Variants in KLHL1 observed in about 807,000 individuals in gnomAD.
The protein encoded by KLHL1 is kelch like family member 1.
Under a neutral mutation model 77.7 loss-of-function variants are expected in KLHL1, and 47 were observed. The ratio of observed to expected loss-of-function variants is 0.60; its 90% CI spans 0.48 to 0.77. KLHL1 has a LOEUF of 0.77. Among genes scored for constraint, KLHL1 ranks in the 30% least tolerant of loss-of-function variants. The pLI, the probability that KLHL1 is intolerant of heterozygous loss-of-function variation, is 0.00. For missense variants in KLHL1, 925 were observed against 910.8 expected (o/e 1.02, Z -0.20); for synonymous variants, 360 against 325.2 (o/e 1.11, Z -1.15).
rs527634113 is a variant in KLHL1 at position 69,776,134 on chromosome 13, C to T, written c.1639+20604G>A. Reference sequence around the variant, plus strand: ...TCGCACCACTGCACTCCAGCCTGGGCGACAGAGTGAGACTCCGTCTCGGAA... The same window carrying T: ...TCGCACCACTGCACTCCAGCCTGGGTGACAGAGTGAGACTCCGTCTCGGAA... On this transcript the variant is annotated intron_variant, in intron 7 of 10. Coordinates refer to ENST00000377844, the MANE Select transcript of KLHL1 (RefSeq NM_020866.3). Among the ~76,000 whole-genome samples, 19 of 150,930 alleles carry T rather than the reference C, an allele frequency of 1.3e-4. No homozygotes were observed. In the East Asian group the frequency reaches 1.6e-3, roughly 12 times the overall value.
At chr13:69,928,919 C>A (rs1882904024) in intron 4 of KLHL1, among the ~76,000 whole-genome samples, 1 of 151,976 alleles carries the variant, frequency 6.6e-6, no homozygotes, top group Non-Finnish European at 1.5e-5. Flanking sequence ...TAAGTCATAT[C>A]TCCACGATGT....
chr13:70,097,109 A>G (rs1252139059), intron 1 of KLHL1, among the ~76,000 whole-genome samples: 3 of 152,044 alleles, frequency 2.0e-5, no homozygotes, highest in Non-Finnish European at 4.4e-5. Flanking sequence ...GGTAATTAGC[A>G]TACATTATGG....
chr13:70,052,942 A>G (rs563569125), intron 1 of KLHL1, among the ~76,000 whole-genome samples: 1 of 152,142 alleles, frequency 6.6e-6, no homozygotes, highest in East Asian at 1.9e-4. Context: ...AATTTCCATG[A>G]TATGGACTCA....
Position 70,107,628 on chromosome 13 carries a change from G to A in KLHL1, c.72C>T (p.His24=). 6.3e-7 allele frequency: 1 copy of A among 1,575,070 alleles called. No individual in the cohort carries two copies. The highest frequency in any genetic ancestry group is 8.6e-7 in the Non-Finnish European group (1 of 1,163,288). Residue 24 remains histidine (H), a synonymous_variant, in exon 1 of 11, where the codon CAC becomes CAT. Transcript: ENST00000377844. ...CCGGGCCGCCGGTGGAAGGAGACGG[G>A]TGGCTGAAGAGTTTCCAGCGGAGTC... ...ILRLRWKLFS[H]PSPSTGGPAG...
intron 4 of KLHL1, among the ~76,000 whole-genome samples, chr13:69,890,903 A>T (rs1881404442): frequency 1.3e-5 from 2 of 152,068 alleles, no homozygotes; most frequent in Non-Finnish European, 2.9e-5. Flanking sequence ...TCTTATATAT[A>T]CAAACATATA....
chr13:69,959,006 G>A (rs970632618), intron 3 of KLHL1, among the ~76,000 whole-genome samples: 8 of 151,942 alleles, frequency 5.3e-5, no homozygotes, highest in African/African-American at 1.9e-4. Flanking sequence ...TGTCATGCCT[G>A]CAATTTTTCC....
At chr13:69,984,166 T>C (rs1884800921) in intron 1 of KLHL1, among the ~76,000 whole-genome samples, 1 of 152,038 alleles carries the variant, frequency 6.6e-6, no homozygotes, top group Admixed American at 6.6e-5. Flanking sequence ...GGGAATGGTA[T>C]AGGAGTTAAA....
intron 1 of KLHL1, among the ~76,000 whole-genome samples, chr13:70,093,805 T>G (rs1214421496): frequency 6.6e-6 from 1 of 152,178 alleles, no homozygotes; most frequent in African/African-American, 2.4e-5. Context: ...AAATGGAGTA[T>G]GAACCTTAGT....
At chr13:69,998,667 G>C (rs1354461620) in intron 1 of KLHL1, among the ~76,000 whole-genome samples, 3 of 151,916 alleles carry the variant, frequency 2.0e-5, no homozygotes, top group Admixed American at 6.6e-5. Context: ...AATAGTAATG[G>C]ATGACTACAG....
At chr13:69,855,908 TTA>T (rs1381147014) in intron 5 of KLHL1, among the ~76,000 whole-genome samples, 48 of 134,986 alleles carry the variant, frequency 3.6e-4, no homozygotes, top group East Asian at 6.5e-4. Flanking sequence ...TTTATATATA[TTA>T]TATGTTATAA....
At chr13:70,046,412 C>T (rs550629548) in intron 1 of KLHL1, among the ~76,000 whole-genome samples, 1 of 152,280 alleles carries the variant, frequency 6.6e-6, no homozygotes, top group African/African-American at 2.4e-5. Context: ...CCCACAGGTG[C>T]AGAGTGACAG....
intron 1 of KLHL1, among the ~76,000 whole-genome samples, chr13:70,035,765 G>A (rs1886223086): frequency 6.6e-6 from 1 of 151,872 alleles, no homozygotes; most frequent in African/African-American, 2.4e-5. Context: ...TTCATTTTGA[G>A]AGAATCAAAT....
intron 1 of KLHL1, among the ~76,000 whole-genome samples, chr13:70,104,107 G>T (rs973473024): frequency 1.3e-5 from 2 of 152,062 alleles, no homozygotes; most frequent in African/African-American, 4.8e-5. Flanking sequence ...TACTACATAT[G>T]GAATCTTGGG....
chr13:69,928,860 C>T (rs1285276223), intron 4 of KLHL1, among the ~76,000 whole-genome samples: 1 of 151,934 alleles, frequency 6.6e-6, no homozygotes, highest in Non-Finnish European at 1.5e-5. Flanking sequence ...TCTGAAAATA[C>T]TAAAAGGCAT....
At chr13:70,047,014 TG>T (rs1469784010) in intron 1 of KLHL1, among the ~76,000 whole-genome samples, 1 of 152,122 alleles carries the variant, frequency 6.6e-6, no homozygotes, top group African/African-American at 2.4e-5. Context: ...TGTTGAATAG[TG>T]TGCTCAATAC....
At chr13:69,807,934 C>T (rs1877685559) in intron 6 of KLHL1, among the ~76,000 whole-genome samples, 1 of 152,116 alleles carries the variant, frequency 6.6e-6, no homozygotes, top group Admixed American at 6.6e-5. Flanking sequence ...GACAGTGCTC[C>T]TTAGCTCTGA....
chr13:69,982,437 AAATAAT>A (rs34183465), intron 1 of KLHL1, among the ~76,000 whole-genome samples: 22,069 of 135,536 alleles, frequency 0.16, 1,968 homozygotes, highest in Middle Eastern at 0.2. Context: ...CTCCATCTCC[AAATAAT>A]AATAATAATA....
chr13:69,951,396 C>T lies in KLHL1; in HGVS notation c.817+9912G>A, dbSNP rs551735465. 2.5e-4 allele frequency among the ~76,000 whole-genome samples: 38 copies of T among 151,572 alleles called. 1 individual carries two copies. In the South Asian group the frequency reaches 7.7e-3, roughly 31 times the overall value. On this transcript the variant is annotated intron_variant, in intron 3 of 10. Transcript: ENST00000377844. ...TAAGTATAAAAGAAGGCAACTTCTA[C>T]TGGCCAGATTTTCGCAAGTTAGTAG...
chr13:69,831,778 G>A (rs1878771897), intron 6 of KLHL1, among the ~76,000 whole-genome samples: 1 of 150,194 alleles, frequency 6.7e-6, no homozygotes, highest in Admixed American at 6.6e-5. Context: ...CACCAGGGAT[G>A]CATGGATGTT....
Sources: gnomAD v4.1 joint callset for allele counts (sites outside exome capture counted in the v4.1 genomes callset) on GRCh38, gnomAD v4.1.1 for gene constraint, MANE v1.5 for transcripts, NCBI Gene and HGNC (gene_info 2026-07-23, HGNC 2026-07-21) for gene names.